Variants in DRC10 observed in about 807,000 individuals in gnomAD.
DRC10 encodes the protein IQ domain-containing protein D.
chr12:113,200,099 C>T, the DRC10 span: 1 of 299,920 alleles, frequency 3.3e-6, no homozygotes, highest in Admixed American at 4.7e-5. Context: ...CTCTCACTAC[C>T]ATCTCATGTA....
At chr12:113,200,589 C>G in the DRC10 span, 14 of 1,535,236 alleles carry the variant, frequency 9.1e-6, no homozygotes, top group Non-Finnish European at 1.2e-5. Context: ...CCTTCCTCAG[C>G]GCCTGCTCTG....
chr12:113,195,582 T>C, the DRC10 span: 1 of 1,590,980 alleles, frequency 6.3e-7, no homozygotes, highest in African/African-American at 1.3e-5. Flanking sequence ...AGCTCATTTC[T>C]TGCCCTTGCC....
the DRC10 span, among the ~76,000 whole-genome samples, chr12:113,213,198 A>AC: frequency 3.5e-4 from 52 of 148,914 alleles, 2 homozygotes; most frequent in South Asian, 1.3e-3. Flanking sequence ...AAAAAAAAAA[A>AC]AAAAAACCAA....
the DRC10 span, among the ~76,000 whole-genome samples, chr12:113,213,682 G>A: frequency 7.2e-5 from 11 of 152,208 alleles, no homozygotes; most frequent in Non-Finnish European, 1.5e-4. Context: ...CTTCTGGCCG[G>A]GCGCAGTGGC....
the DRC10 span, among the ~76,000 whole-genome samples, chr12:113,217,021 G>A: frequency 2.0e-5 from 3 of 152,114 alleles, no homozygotes; most frequent in Admixed American, 6.5e-5. Context: ...CCCAAGAGGC[G>A]TAGGTTGCAG....
the DRC10 span, chr12:113,221,023 A>C: frequency 5.0e-6 from 2 of 397,020 alleles, no homozygotes; most frequent in Non-Finnish European, 1.0e-5. Context: ...AGGTTTCCCT[A>C]GCCACAGTTA....
chr12:113,218,313 T>G, the DRC10 span, among the ~76,000 whole-genome samples: 7 of 152,088 alleles, frequency 4.6e-5, no homozygotes, highest in Admixed American at 1.3e-4. Flanking sequence ...ATTTTTTTTT[T>G]TTGTATTTTT....
At chr12:113,198,927 C>CA in the DRC10 span, among the ~76,000 whole-genome samples, 2 of 150,758 alleles carry the variant, frequency 1.3e-5, no homozygotes, top group Admixed American at 6.6e-5. Flanking sequence ...CCTGTCTCCA[C>CA]AAAAAATGAT....
At chr12:113,206,449 C>T in the DRC10 span, among the ~76,000 whole-genome samples, 1 of 151,950 alleles carries the variant, frequency 6.6e-6, no homozygotes, top group African/African-American at 2.4e-5. Flanking sequence ...AATTGCTAGC[C>T]AATCGGGTTG....
chr12:113,216,694 G>A, the DRC10 span, among the ~76,000 whole-genome samples: 1 of 152,110 alleles, frequency 6.6e-6, no homozygotes, highest in African/African-American at 2.4e-5. Flanking sequence ...ATCTAAAACT[G>A]CTTAAAAAAT....
At chr12:113,213,836 G>A in the DRC10 span, among the ~76,000 whole-genome samples, 1 of 152,130 alleles carries the variant, frequency 6.6e-6, no homozygotes, top group Non-Finnish European at 1.5e-5. Flanking sequence ...GTGGGCACCT[G>A]TGGAGGCTGA....
chr12:113,208,334 AC>A, the DRC10 span: 1 of 1,423,126 alleles, frequency 7.0e-7, no homozygotes, highest in Non-Finnish European at 9.1e-7. Flanking sequence ...AGAAACCACA[AC>A]TGTTGACATC....
At chr12:113,214,079 C>T in the DRC10 span, among the ~76,000 whole-genome samples, 1 of 152,196 alleles carries the variant, frequency 6.6e-6, no homozygotes, top group East Asian at 1.9e-4. Flanking sequence ...CTCTAGCTTT[C>T]TTCCGAACTC....
the DRC10 span, among the ~76,000 whole-genome samples, chr12:113,209,666 G>A: frequency 1.3e-5 from 2 of 152,212 alleles, no homozygotes; most frequent in Non-Finnish European, 2.9e-5. Flanking sequence ...ATACAGACAG[G>A]AGCCACCGTG....
chr12:113,219,061 G>A, the DRC10 span, among the ~76,000 whole-genome samples: 6 of 152,010 alleles, frequency 3.9e-5, no homozygotes, highest in Non-Finnish European at 8.8e-5. Flanking sequence ...TTTGAGACAG[G>A]GTCTCACTCT....
the DRC10 span, chr12:113,197,593 G>A: frequency 1.1e-4 from 167 of 1,531,820 alleles, 1 homozygote; most frequent in African/African-American, 9.3e-4. Flanking sequence ...CTCGATTTCC[G>A]TTTCCACTTT....
the DRC10 span, among the ~76,000 whole-genome samples, chr12:113,204,190 G>A: frequency 1.3e-5 from 2 of 152,224 alleles, no homozygotes; most frequent in Non-Finnish European, 2.9e-5. Flanking sequence ...AGCTATGAAC[G>A]TGCCAATGCA....
At chr12:113,198,885 G>GT in the DRC10 span, among the ~76,000 whole-genome samples, 1 of 152,062 alleles carries the variant, frequency 6.6e-6, no homozygotes, top group Non-Finnish European at 1.5e-5. Flanking sequence ...GAGGCCACAA[G>GT]TTCTAGATCA....
At chr12:113,196,925 G>A in the DRC10 span, among the ~76,000 whole-genome samples, 2 of 152,244 alleles carry the variant, frequency 1.3e-5, no homozygotes, top group Admixed American at 1.3e-4. Flanking sequence ...TACTGCCTTT[G>A]CTAATCAGAT....
Sources: gnomAD v4.1 joint callset for allele counts (sites outside exome capture counted in the v4.1 genomes callset) on GRCh38, gnomAD v4.1.1 for gene constraint, MANE v1.5 for transcripts, NCBI Gene and HGNC (gene_info 2026-07-23, HGNC 2026-07-21) for gene names.